The following GHR variants were observed in gnomAD, a reference collection of about 807,000 sequenced individuals.
GHR encodes the protein growth hormone receptor.
In GHR, 35 loss-of-function variants were observed where a neutral mutation model predicts 67.1. That is an observed-to-expected ratio of 0.52 (90% CI 0.40 to 0.69). The LOEUF is 0.69. Ranked by LOEUF, GHR falls within the 30% of genes least tolerant of loss-of-function variation. GHR has a pLI of 0.00. For missense variants in GHR, 792 were observed against 764.6 expected, an observed-to-expected ratio of 1.04 and a Z score of -0.42; for synonymous variants, 272 against 269.1, an observed-to-expected ratio of 1.01 and a Z score of -0.10.
intron 3 of GHR, among the ~76,000 whole-genome samples, chr5:42,685,445 T>C (rs550675654): frequency 1.5e-3 from 234 of 152,336 alleles, no homozygotes; most frequent in Non-Finnish European, 2.1e-3. Context: ...TTATAATCCT[T>C]TGGGTATATA....
chr5:42,534,517 T>C (rs918769461), intron 1 of GHR, among the ~76,000 whole-genome samples: 2 of 150,600 alleles, frequency 1.3e-5, no homozygotes, highest in Non-Finnish European at 3.0e-5. Flanking sequence ...TATGTATATG[T>C]GTATATATGT....
At chr5:42,524,155 T>C (rs1163546358) in intron 1 of GHR, among the ~76,000 whole-genome samples, 4 of 151,268 alleles carry the variant, frequency 2.6e-5, no homozygotes, top group Non-Finnish European at 5.9e-5. Context: ...ACTGGCAGAG[T>C]TTGGAAGAGT....
intron 1 of GHR, among the ~76,000 whole-genome samples, chr5:42,563,481 G>A (rs183562046): frequency 0.041 from 6,163 of 152,000 alleles, 183 homozygotes; most frequent in Middle Eastern, 0.071. Context: ...AGCCGGGCGC[G>A]GTGGCGGGCG....
chr5:42,631,618 A>G (rs1215016474), intron 3 of GHR, among the ~76,000 whole-genome samples: 1 of 152,198 alleles, frequency 6.6e-6, no homozygotes, highest in Non-Finnish European at 1.5e-5. Context: ...CTTGACATCA[A>G]GGAGCTCACA....
Position 42,694,947 on chromosome 5 carries a change from A to G in GHR, c.297A>G (p.Lys99=). The change falls in exon 5 of 10, where the codon AAA becomes AAG. Residue 99 remains lysine, a synonymous_variant. Transcript: ENST00000230882. ...RNTQEWTQEW[K]ECPDYVSAGE... is the part of the protein sequence containing the mutation. ...CTCAAGAATGGACTCAAGAATGGAA[A>G]GAATGCCCTGATTATGTTTCTGCTG... 6.2e-7 allele frequency: 1 copy of G among 1,611,218 alleles called. No homozygotes were observed. The highest frequency in any genetic ancestry group is 8.5e-7 in the Non-Finnish European group (1 of 1,178,004).
At chr5:42,686,675 T>C (rs1478572672) in intron 3 of GHR, among the ~76,000 whole-genome samples, 1 of 152,196 alleles carries the variant, frequency 6.6e-6, no homozygotes, top group African/African-American at 2.4e-5. Flanking sequence ...ATGGAATGTA[T>C]CTCAAAATAA....
chr5:42,718,638 A>G lies in GHR; in HGVS notation c.1131A>G (p.Leu377=). 6.2e-7 allele frequency: 1 copy of G among 1,614,118 alleles called. No individual in the cohort carries two copies. The highest frequency in any genetic ancestry group is 2.2e-5 in the East Asian group (1 of 44,884). Residue 377 remains leucine (L), a synonymous_variant, in exon 10 of 10, where the codon CTA becomes CTG. Coordinates refer to ENST00000230882, the MANE Select transcript of GHR (RefSeq NM_000163.5). The part of the protein sequence containing the change: ...SSDHEKSHSN[L]GVKDGDSGRT... ...ACCATGAGAAATCACATAGTAACCTAGGGGTGAAGGATGGCGACTCTGGAC... is the reference window on the plus strand; with the variant it reads ...ACCATGAGAAATCACATAGTAACCTGGGGGTGAAGGATGGCGACTCTGGAC...
intron 5 of GHR, among the ~76,000 whole-genome samples, chr5:42,699,135 G>A (rs1169050784): frequency 6.6e-6 from 1 of 152,172 alleles, no homozygotes; most frequent in African/African-American, 2.4e-5. Context: ...ATCACATGTG[G>A]CTAGGAAGAT....
chr5:42,611,489 T>C (rs557841388), intron 2 of GHR, among the ~76,000 whole-genome samples: 1 of 152,328 alleles, frequency 6.6e-6, no homozygotes, highest in East Asian at 1.9e-4. Flanking sequence ...TTAATCAACA[T>C]GTATTTATTG....
At chr5:42,707,742 A>G (rs918936202) in intron 6 of GHR, among the ~76,000 whole-genome samples, 7 of 151,866 alleles carry the variant, frequency 4.6e-5, no homozygotes, top group African/African-American at 9.7e-5. Flanking sequence ...CCTGATAACA[A>G]TTTAAGTTTC....
intron 1 of GHR, among the ~76,000 whole-genome samples, chr5:42,441,810 G>C (rs1020516340): frequency 6.6e-6 from 1 of 152,288 alleles, no homozygotes; most frequent in South Asian, 2.1e-4. Flanking sequence ...CTCCCAGCCA[G>C]GAGGAGTATT....
At chr5:42,717,758 G>C (rs927407883) in intron 8 of GHR, among the ~76,000 whole-genome samples, 1 of 151,998 alleles carries the variant, frequency 6.6e-6, no homozygotes, top group Non-Finnish European at 1.5e-5. Context: ...ACTAAATCTG[G>C]CTGAAAATAA....
chr5:42,445,907 C>T (rs559015739), intron 1 of GHR, among the ~76,000 whole-genome samples: 18 of 152,272 alleles, frequency 1.2e-4, no homozygotes, highest in Admixed American at 2.0e-4. Flanking sequence ...ACAAGAGAGA[C>T]TCATAATATG....
intron 1 of GHR, among the ~76,000 whole-genome samples, chr5:42,478,214 G>A (rs528538080): frequency 1.1e-3 from 167 of 152,258 alleles, no homozygotes; most frequent in South Asian, 3.3e-3. Context: ...CATTATTTCT[G>A]AGGGCTCCGT....
chr5:42,588,526 CAAAAAAAA>C (rs10716908), intron 2 of GHR, among the ~76,000 whole-genome samples: 2 of 45,120 alleles, frequency 4.4e-5, no homozygotes, highest in Non-Finnish European at 8.2e-5. Flanking sequence ...AACTCCATCT[CAAAAAAAA>C]AAAAAAAAAA....
chr5:42,453,441 C>T (rs973487049), intron 1 of GHR, among the ~76,000 whole-genome samples: 3 of 152,194 alleles, frequency 2.0e-5, no homozygotes, highest in Non-Finnish European at 4.4e-5. Flanking sequence ...GCCGAGGTCA[C>T]AGCCTTGATG....
At chr5:42,576,820 T>G (rs961388538) in intron 2 of GHR, among the ~76,000 whole-genome samples, 2 of 152,214 alleles carry the variant, frequency 1.3e-5, no homozygotes, top group African/African-American at 4.8e-5. Context: ...AAATTAAATC[T>G]GATTAATACA....
intron 2 of GHR, among the ~76,000 whole-genome samples, chr5:42,589,793 A>G (rs894161702): frequency 6.6e-6 from 1 of 152,224 alleles, no homozygotes; most frequent in Non-Finnish European, 1.5e-5. Flanking sequence ...TAAGTAACAC[A>G]TCTTAAAATT....
chr5:42,715,477 C>G (rs567949465), intron 8 of GHR, among the ~76,000 whole-genome samples: 1 of 152,276 alleles, frequency 6.6e-6, no homozygotes, highest in East Asian at 1.9e-4. Flanking sequence ...ATTGAGTCAA[C>G]TCTAGCAAAA....
Sources: gnomAD v4.1 joint callset for allele counts (sites outside exome capture counted in the v4.1 genomes callset) on GRCh38, gnomAD v4.1.1 for gene constraint, MANE v1.5 for transcripts, NCBI Gene and HGNC (gene_info 2026-07-23, HGNC 2026-07-21) for gene names.